CNOT9: variants seen among roughly 807,000 people sequenced by gnomAD.
The protein encoded by CNOT9 is CCR4-NOT transcription complex subunit 9.
A neutral mutation model predicts 37.4 loss-of-function variants in CNOT9; 8 were observed. The ratio of observed to expected loss-of-function variants is 0.21; its 90% CI spans 0.13 to 0.39. The LOEUF (loss-of-function observed/expected upper bound fraction) is 0.39, where lower values mean the gene tolerates loss of function less well. Ranked by LOEUF, CNOT9 falls within the 10% of genes least tolerant of loss-of-function variation. The pLI is 1.00. For synonymous variants in CNOT9, 120 were observed against 137.6 expected (o/e 0.87, Z 0.90); for missense variants, 154 against 365.3 (o/e 0.42, Z 4.71).
intron 3 of CNOT9, 143 bp downstream of exon 3, chr2:218,583,229 GTGTGTCTC>G (rs1694470802): frequency 2.8e-4 from 25 of 90,138 alleles, no homozygotes; most frequent in Admixed American, 1.2e-3. Flanking sequence ...GTGTGTGTGT[GTGTGTCTC>G]TCTCTCTCTC....
chr2:218,590,063 T>TTG (rs1553566075), intron 5 of CNOT9, among the ~76,000 whole-genome samples: 8,550 of 142,726 alleles, frequency 0.06, 354 homozygotes, highest in East Asian at 0.13. Context: ...TGTTTTTTTT[T>TTG]TTGTTGTTGT....
Position 218,595,854 on chromosome 2 carries a change from T to C in CNOT9, c.*1578T>C, listed in dbSNP as rs1260750140. ...GGACTTGTTAGTTGGCTTCTGTCTCTTTAGAGCCAAGAAAATAGTAATTAA... is the reference window on the plus strand; with the variant it reads ...GGACTTGTTAGTTGGCTTCTGTCTCCTTAGAGCCAAGAAAATAGTAATTAA... On this transcript the variant is annotated 3_prime_UTR_variant, in exon 8 of 8. Coordinates refer to ENST00000273064, the MANE Select transcript of CNOT9 (RefSeq NM_005444.3). 2.0e-5 allele frequency: 3 copies of C among 152,082 alleles called. No individual in the cohort carries two copies. In the East Asian group the frequency reaches 5.8e-4, roughly 29 times the overall value. The allele number at this position is 152,082 out of a possible 1,614,324, so 9.4% of individuals were successfully genotyped here. A position where few individuals can be genotyped will look rare whatever the true frequency, so the allele number is the denominator to read the frequency against.
chr2:218,583,231 GTGTCTCTCTCTCTC>G (rs1211158953), intron 3 of CNOT9, 145 bp downstream of exon 3: 749 of 34,818 alleles, frequency 0.022, no homozygotes, highest in Non-Finnish European at 0.036. Context: ...GTGTGTGTGT[GTGTCTCTCTCTCTC>G]TCTCTCTCTC....
At chr2:218,578,504 T>C (rs976535323) in intron 1 of CNOT9, among the ~76,000 whole-genome samples, 6 of 152,192 alleles carry the variant, frequency 3.9e-5, no homozygotes, top group African/African-American at 1.4e-4. Context: ...CTAAGATCTT[T>C]TGGGAACTTA....
At position 218,592,616 on chromosome 2, in the gene CNOT9, G is replaced by A. The variant is rs371657767; in HGVS notation, c.640G>A (p.Gly214Ser). ...ERFSHVAMIL[G>S]KMVLQLSKEP... is the part of the protein sequence containing the mutation. ...CCTCCCCTTATTTTGGGGGAAACAG[G>A]GTAAGATGGTCCTGCAGCTATCCAA... The change falls in exon 7 of 8, where the codon GGT becomes AGT. Residue 214 changes from glycine (G) to serine (S), a missense_variant and splice_region_variant. Physicochemically the swap from Gly to Ser is moderately conservative, Grantham distance 56. Coordinates refer to ENST00000273064, the MANE Select transcript of CNOT9 (RefSeq NM_005444.3). The surrounding 1 kb of genome is among the most constrained non-coding windows in gnomAD (Gnocchi z 4.1). 17 of 1,613,976 alleles carry A rather than the reference G, an allele frequency of 1.1e-5. No individual in the cohort carries two copies. The highest frequency in any genetic ancestry group is 1.3e-5 in the African/African-American group (1 of 74,912).
chr2:218,581,359 A>G (rs1002105913), intron 2 of CNOT9, among the ~76,000 whole-genome samples: 3 of 149,892 alleles, frequency 2.0e-5, no homozygotes, highest in Non-Finnish European at 3.0e-5. Flanking sequence ...TTTAGTAGAT[A>G]CGGAGTTTCA....
At chr2:218,571,902 A>T (rs1169302429) in intron 1 of CNOT9, among the ~76,000 whole-genome samples, 1 of 151,428 alleles carries the variant, frequency 6.6e-6, no homozygotes, top group Non-Finnish European at 1.5e-5. Flanking sequence ...GTCATTCTTG[A>T]TGGAATACAT....
At chr2:218,593,898 G>T in intron 7 of CNOT9, 3 of 1,024,732 alleles carry the variant, frequency 2.9e-6, no homozygotes, top group South Asian at 2.4e-5. Flanking sequence ...TCTACATTGG[G>T]GCATCATTCA....
At position 218,580,628 on chromosome 2, in the gene CNOT9, G is replaced by A. The variant is rs1422163728; in HGVS notation, c.92G>A (p.Ser31Asn). Reference sequence around the variant, plus strand: ...TATCAGTGGATCAATGAGCTGTCCAGTCCTGAGACTAGGGAAAATGCTTTG... The same window carrying A: ...TATCAGTGGATCAATGAGCTGTCCAATCCTGAGACTAGGGAAAATGCTTTG... ...KIYQWINELS[S>N]PETRENALLE... is the part of the protein sequence containing the mutation. Residue 31 changes from serine (S) to asparagine (N), a missense_variant, in exon 2 of 8, where the codon AGT (serine) becomes AAT (asparagine). Coordinates refer to ENST00000273064, the MANE Select transcript of CNOT9 (RefSeq NM_005444.3). 2 of 1,613,928 alleles carry A rather than the reference G, an allele frequency of 1.2e-6. No homozygotes were observed. The highest frequency in any genetic ancestry group is 1.3e-5 in the African/African-American group (1 of 74,932).
chr2:218,582,461 C>T (rs1444538538), intron 2 of CNOT9, among the ~76,000 whole-genome samples: 5 of 152,176 alleles, frequency 3.3e-5, no homozygotes, highest in African/African-American at 9.7e-5. Context: ...GAGGCCGAGA[C>T]GGGCAGATCA....
Position 218,594,404 on chromosome 2 carries a change from A to C in CNOT9, c.*128A>C. ...TCAATGCTGAACCGCACTGGAGAAA[A>C]GGGGCAAGGTACCCCTGCTGAGGTG... is the stretch of plus-strand genomic sequence containing the variant. On this transcript the variant is annotated 3_prime_UTR_variant, in exon 8 of 8. Coordinates refer to ENST00000273064, the MANE Select transcript of CNOT9 (RefSeq NM_005444.3). The C allele has an allele frequency of 1.9e-6, 2 of 1,076,490 alleles. No homozygotes were observed. The highest frequency in any genetic ancestry group is 3.2e-5 in the South Asian group (2 of 62,080). The allele number at this position is 1,076,490 out of a possible 1,614,324, so 66.7% of individuals were successfully genotyped here.
intron 2 of CNOT9, among the ~76,000 whole-genome samples, chr2:218,582,361 T>G (rs536132770): frequency 1.0e-3 from 158 of 152,096 alleles, no homozygotes; most frequent in Non-Finnish European, 1.9e-3. Flanking sequence ...CTGGAGAATA[T>G]AAGAGGAAGT....
intron 5 of CNOT9, chr2:218,589,295 A>C (rs1208578124): frequency 6.6e-6 from 1 of 152,202 alleles, no homozygotes; most frequent in East Asian, 1.9e-4. Context: ...TTCCAATTTT[A>C]GTACATGTGC....
intron 1 of CNOT9, among the ~76,000 whole-genome samples, chr2:218,570,815 T>A (rs1384452455): frequency 6.6e-6 from 1 of 152,250 alleles, no homozygotes; most frequent in East Asian, 1.9e-4. Flanking sequence ...TTATAATAAG[T>A]ACTCAATACA....
At chr2:218,577,745 C>G (rs948815447) in intron 1 of CNOT9, among the ~76,000 whole-genome samples, 2 of 152,166 alleles carry the variant, frequency 1.3e-5, no homozygotes, top group Non-Finnish European at 2.9e-5. Context: ...AAGTCACACA[C>G]TGGCTCCAGT....
chr2:218,577,824 G>A (rs1694225005), intron 1 of CNOT9, among the ~76,000 whole-genome samples: 1 of 152,196 alleles, frequency 6.6e-6, no homozygotes, highest in East Asian at 1.9e-4. Flanking sequence ...GCTGGAATGG[G>A]TACTGATTAA....
At chr2:218,573,481 T>G (rs993985562) in intron 1 of CNOT9, among the ~76,000 whole-genome samples, 2 of 152,204 alleles carry the variant, frequency 1.3e-5, no homozygotes, top group South Asian at 4.1e-4. Flanking sequence ...AATCTCTATT[T>G]CAGTCTGATT....
In CNOT9 at chr2:218,596,760, G is replaced by A. The variant is rs1304198764; in HGVS notation, c.*2484G>A. On this transcript the variant is annotated 3_prime_UTR_variant, in exon 8 of 8. Coordinates refer to ENST00000273064, the MANE Select transcript of CNOT9 (RefSeq NM_005444.3). The stretch of plus-strand genomic sequence containing the variant: ...GCCAGTGTAGGGAGAGACTTCCATA[G>A]TGACAAGGTAATGCTTGAAACATCT... The A allele has an allele frequency of 1.3e-5, 2 of 152,186 alleles. No individual in the cohort carries two copies. Among genetic ancestry groups the A allele is most frequent in the African/African-American group, 2.4e-5 (1 of 41,430 alleles). The allele number at this position is 152,186 out of a possible 1,614,324, so 9.4% of individuals were successfully genotyped here.
intron 1 of CNOT9, among the ~76,000 whole-genome samples, chr2:218,578,653 C>G (rs913322297): frequency 2.0e-5 from 3 of 152,102 alleles, no homozygotes; most frequent in African/African-American, 4.8e-5. Flanking sequence ...TAGCCTTCCC[C>G]CCCGCCTCCC....
Sources: gnomAD v4.1 joint callset for allele counts (sites outside exome capture counted in the v4.1 genomes callset) on GRCh38, gnomAD v4.1.1 for gene constraint, Gnocchi (gnomAD v3.1) non-coding constraint, MANE v1.5 for transcripts, NCBI Gene and HGNC (gene_info 2026-07-23, HGNC 2026-07-21) for gene names.